The following CAVIN1 variants were observed in gnomAD, a reference collection of about 807,000 sequenced individuals.
CAVIN1 encodes caveolae-associated protein 1.
A neutral mutation model predicts 24.0 loss-of-function variants in CAVIN1; 16 were observed. The ratio of observed to expected loss-of-function variants is 0.67; its 90% CI spans 0.45 to 1.01. CAVIN1 has a LOEUF of 1.01. Among genes scored for constraint, CAVIN1 ranks in the 50% least tolerant of loss-of-function variants. CAVIN1 has a pLI of 0.00. For missense variants in CAVIN1, 510 were observed against 551.7 expected, an observed-to-expected ratio of 0.92 and a Z score of 0.76; for synonymous variants, 256 against 256.4, an observed-to-expected ratio of 1.00 and a Z score of 0.02.
chr17:42,411,984 T>C (rs113847002), intron 1 of CAVIN1: 47 of 985,324 alleles, frequency 4.8e-5, no homozygotes, highest in African/African-American at 1.0e-4. Context: ...ACCACTAGGC[T>C]GTGGGCTGAC....
intron 1 of CAVIN1, among the ~76,000 whole-genome samples, chr17:42,416,584 A>T (rs2085513054): frequency 9.0e-6 from 1 of 110,762 alleles, no homozygotes; most frequent in South Asian, 3.6e-4. Flanking sequence ...CAGAGCTAAG[A>T]TCCTTTCTCA....
Position 42,404,877 on chromosome 17 carries a change from A to G in CAVIN1, c.983T>C (p.Ile328Thr). 6.2e-7 allele frequency: 1 copy of G among 1,613,610 alleles called. No homozygotes were observed. The highest frequency in any genetic ancestry group is 8.5e-7 in the Non-Finnish European group (1 of 1,179,806). Reference sequence around the variant, plus strand: ...GAGCACTTCCACCTGGCCCTCGCGGATCTTCTTGACGTGGAAGGTGAAGGG... The same window carrying G: ...GAGCACTTCCACCTGGCCCTCGCGGGTCTTCTTGACGTGGAAGGTGAAGGG... ...VPPFTFHVKK[I>T]REGQVEVLKA... is the part of the protein sequence containing the mutation. The change falls in exon 2 of 2, where the codon ATC (isoleucine) becomes ACC (threonine). Residue 328 changes from isoleucine to threonine, a missense_variant. By Grantham distance (89) the Ile-to-Thr change is moderately conservative. Coordinates refer to ENST00000357037, the MANE Select transcript of CAVIN1 (RefSeq NM_012232.6).
chr17:42,418,229 CTTTTT>C (rs555569816), intron 1 of CAVIN1, among the ~76,000 whole-genome samples: 2 of 129,460 alleles, frequency 1.5e-5, no homozygotes, highest in Admixed American at 8.0e-5. Flanking sequence ...ACTGTATTTC[CTTTTT>C]TTTTTTTTTT....
chr17:42,414,413 T>A (rs2085499611), intron 1 of CAVIN1, among the ~76,000 whole-genome samples: 1 of 149,746 alleles, frequency 6.7e-6, no homozygotes, highest in African/African-American at 2.4e-5. Context: ...CAAGCTCTAT[T>A]TTTTTTTTTA....
intron 1 of CAVIN1, among the ~76,000 whole-genome samples, chr17:42,410,638 G>A (rs2085469637): frequency 6.6e-6 from 1 of 152,256 alleles, no homozygotes; most frequent in Admixed American, 6.5e-5. Flanking sequence ...AAGGGGCCGG[G>A]TGCTGTGGCT....
chr17:42,408,561 G>A (rs376190077), intron 1 of CAVIN1, among the ~76,000 whole-genome samples: 4 of 151,932 alleles, frequency 2.6e-5, no homozygotes, highest in East Asian at 1.9e-4. Flanking sequence ...ACACGATCTC[G>A]GCTCACCGCA....
intron 1 of CAVIN1, among the ~76,000 whole-genome samples, chr17:42,417,314 G>A (rs939953545): frequency 6.6e-6 from 1 of 152,032 alleles, no homozygotes; most frequent in South Asian, 2.1e-4. Flanking sequence ...ATATTAGCCA[G>A]GCATGGTGGC....
intron 1 of CAVIN1, among the ~76,000 whole-genome samples, chr17:42,416,369 GA>G (rs1226570029): frequency 3.0e-4 from 16 of 54,140 alleles, no homozygotes; most frequent in African/African-American, 5.9e-4. Flanking sequence ...CTCTGTCAAA[GA>G]AAGAAGAGAG....
intron 1 of CAVIN1, among the ~76,000 whole-genome samples, chr17:42,419,059 C>T (rs147164729): frequency 2.0e-4 from 31 of 151,930 alleles, no homozygotes; most frequent in Non-Finnish European, 2.9e-4. Context: ...TTGCCGGGCA[C>T]GGTGGTGGGC....
chr17:42,407,683 G>T (rs1417116513), intron 1 of CAVIN1, among the ~76,000 whole-genome samples: 1 of 152,190 alleles, frequency 6.6e-6, no homozygotes, highest in East Asian at 1.9e-4. Flanking sequence ...CCTCCCAGCA[G>T]GCAAGGTGAC....
chr17:42,413,565 G>GAAAAAAAAAAAAAA (rs2085493446), intron 1 of CAVIN1, among the ~76,000 whole-genome samples: 1 of 62,596 alleles, frequency 1.6e-5, no homozygotes, highest in African/African-American at 5.8e-5. Flanking sequence ...TCTCAAAAAG[G>GAAAAAAAAAAAAAA]GAAAAAAAAA....
chr17:42,412,003 G>A, intron 1 of CAVIN1: 1 of 985,424 alleles, frequency 1.0e-6, no homozygotes, highest in Non-Finnish European at 1.2e-6. Context: ...ACAGTGGACT[G>A]AAGAGATACC....
chr17:42,414,826 AAAC>A (rs768748437), intron 1 of CAVIN1, among the ~76,000 whole-genome samples: 9 of 151,958 alleles, frequency 5.9e-5, no homozygotes, highest in Non-Finnish European at 1.3e-4. Flanking sequence ...AGAGAAAGGG[AAAC>A]AACATGTCCC....
At chr17:42,411,349 T>C in intron 1 of CAVIN1, 1 of 773,224 alleles carries the variant, frequency 1.3e-6, no homozygotes, top group East Asian at 1.3e-4. Context: ...GCCCCAGGAG[T>C]TCAGAACCAG....
rs1210108560 is a variant in CAVIN1, at chr17:42,412,242, C to T, written c.472-6854G>A. ...CCAGGTCAGAGGGTGCATTCGGCTT[C>T]TTCTTGGGCTAAGATGAGGAAAAGG... On this transcript the variant is annotated intron_variant, in intron 1 of 1. Transcript: ENST00000357037. 6 of 984,856 alleles carry T rather than the reference C, an allele frequency of 6.1e-6. No individual in the cohort carries two copies. The South Asian group carries it at 1.9e-4, about 31-fold the overall frequency. 61.0% of individuals were successfully genotyped at this position (984,856 alleles called of 1,614,324 possible).
In CAVIN1 at chr17:42,404,549, G is replaced by A; in HGVS notation, c.*138C>T. ...TCGGGTCCTAACAGCTCTAAGACTG[G>A]GAGTGGAGTTCCTGGAGGTGTGGGG... is the stretch of plus-strand genomic sequence containing the variant. On this transcript the variant is annotated 3_prime_UTR_variant, in exon 2 of 2. Transcript: ENST00000357037. 1 of 584,264 alleles carries A rather than the reference G, an allele frequency of 1.7e-6. No individual in the cohort carries two copies. 36.2% of individuals were successfully genotyped at this position (584,264 alleles called of 1,614,324 possible). A position where few individuals can be genotyped will look rare whatever the true frequency, so the allele number is the denominator to read the frequency against.
At chr17:42,416,829 T>C (rs1267756507) in intron 1 of CAVIN1, among the ~76,000 whole-genome samples, 1 of 152,018 alleles carries the variant, frequency 6.6e-6, no homozygotes, top group African/African-American at 2.4e-5. Context: ...GGACAAAGGT[T>C]TGGGGTTCTT....
intron 1 of CAVIN1, among the ~76,000 whole-genome samples, chr17:42,406,158 A>G (rs1285796104): frequency 3.3e-5 from 5 of 152,066 alleles, no homozygotes; most frequent in African/African-American, 9.7e-5. Context: ...CCCGTAGATG[A>G]TATTAAACCA....
chr17:42,405,060 C>T lies in CAVIN1; in HGVS notation c.800G>A (p.Arg267Gln). The change falls in exon 2 of 2, where the codon CGG (arginine) becomes CAG (glutamine). Residue 267 changes from arginine to glutamine, a missense_variant. Transcript: ENST00000357037. ...GTTCATGCGCTTCTCCAGGGTGTGC[C>T]GCGTCTTCTCCAGGTTTTCCTTGGT... ...LKTKENLEKT[R>Q]HTLEKRMNKL... 3.1e-6 allele frequency: 5 copies of T among 1,614,134 alleles called. No homozygotes were observed. Among genetic ancestry groups the T allele is most frequent in the East Asian group, 2.2e-5 (1 of 44,866 alleles).
Sources: gnomAD v4.1 joint callset for allele counts (sites outside exome capture counted in the v4.1 genomes callset) on GRCh38, gnomAD v4.1.1 for gene constraint, MANE v1.5 for transcripts, NCBI Gene and HGNC (gene_info 2026-07-23, HGNC 2026-07-21) for gene names.